LINC02747: variants seen among roughly 807,000 people sequenced by gnomAD.
LINC02747 encodes CCND1-upstream intergenic DNA repair 2.
intron 1 of LINC02747, among the ~76,000 whole-genome samples, chr11:69,479,111 C>G (rs549739812): frequency 6.6e-6 from 1 of 151,574 alleles, no homozygotes; most frequent in Admixed American, 6.6e-5. Context: ...AAAAAATTGA[C>G]GGGCATAATG....
intron 1 of LINC02747, among the ~76,000 whole-genome samples, chr11:69,480,651 T>C (rs966608811): frequency 2.6e-5 from 4 of 152,180 alleles, no homozygotes; most frequent in African/African-American, 7.2e-5. Context: ...GACATCATCA[T>C]CCGGACTCAA....
intron 1 of LINC02747, among the ~76,000 whole-genome samples, chr11:69,478,573 T>A (rs1857017105): frequency 6.6e-6 from 1 of 152,170 alleles, no homozygotes; most frequent in Admixed American, 6.5e-5. Flanking sequence ...CTGGGCGAGG[T>A]GGCTCATGCC....
At chr11:69,480,217 G>A (rs2134962919) in intron 1 of LINC02747, among the ~76,000 whole-genome samples, 1 of 152,300 alleles carries the variant, frequency 6.6e-6, no homozygotes, top group East Asian at 1.9e-4. Context: ...TGGCGAGCCT[G>A]GGCCACACAG....
At chr11:69,475,701 G>A (rs113329199) in exon 2 of LINC02747, 1,670 of 152,312 alleles carry the variant, frequency 0.011, 12 homozygotes, top group Middle Eastern at 0.031. Flanking sequence ...GCAGGTGGCC[G>A]TCTTCTTGTG....
chr11:69,481,489 T>A (rs1045567175), exon 1 of LINC02747: 2 of 152,376 alleles, frequency 1.3e-5, no homozygotes, highest in African/African-American at 4.8e-5. Context: ...TGCAGCTCAC[T>A]GTGGCAAAAG....
chr11:69,479,317 A>G (rs142593048), intron 1 of LINC02747, among the ~76,000 whole-genome samples: 1,655 of 151,566 alleles, frequency 0.011, 32 homozygotes, highest in African/African-American at 0.039. Flanking sequence ...AGAAAAAACA[A>G]GTGGGTGGTA....
At chr11:69,476,625 G>A (rs1448046997) in exon 2 of LINC02747, 9 of 152,222 alleles carry the variant, frequency 5.9e-5, no homozygotes, top group Non-Finnish European at 8.8e-5. Context: ...CATCTCTGAC[G>A]TGGACCCCGC....
chr11:69,478,813 C>T (rs1031184082), intron 1 of LINC02747, among the ~76,000 whole-genome samples: 1 of 152,088 alleles, frequency 6.6e-6, no homozygotes, highest in Non-Finnish European at 1.5e-5. Flanking sequence ...CTGCAGCGAG[C>T]CGAGATTGTG....
At chr11:69,480,807 C>T (rs1005129558) in intron 1 of LINC02747, among the ~76,000 whole-genome samples, 14 of 152,164 alleles carry the variant, frequency 9.2e-5, no homozygotes, top group African/African-American at 2.4e-5. Flanking sequence ...GGAAGAGTTT[C>T]GGAGAGGTCA....
exon 2 of LINC02747, chr11:69,475,886 C>G (rs115908406): frequency 6.6e-6 from 1 of 152,180 alleles, no homozygotes; most frequent in African/African-American, 2.4e-5. Context: ...TTAGGGAGGA[C>G]GCACACATTT....
intron 1 of LINC02747, chr11:69,481,370 C>T (rs1857046836): frequency 6.6e-6 from 1 of 152,414 alleles, no homozygotes; most frequent in African/African-American, 2.4e-5. Context: ...CTGAAAGGTC[C>T]AGAGTCCAGC....
At chr11:69,478,395 C>T (rs1857015616) in intron 1 of LINC02747, among the ~76,000 whole-genome samples, 1 of 152,108 alleles carries the variant, frequency 6.6e-6, no homozygotes, top group Admixed American at 6.5e-5. Flanking sequence ...CTGTGCTGAG[C>T]CCAAGCCTCT....
chr11:69,476,489 C>CCGAT (rs930971925), exon 2 of LINC02747: 2 of 152,180 alleles, frequency 1.3e-5, no homozygotes, highest in Non-Finnish European at 2.9e-5. Context: ...TCCCGAGAAC[C>CCGAT]CGATCACAGG....
chr11:69,479,279 AG>A (rs1857026603), intron 1 of LINC02747, among the ~76,000 whole-genome samples: 33 of 139,568 alleles, frequency 2.4e-4, no homozygotes, highest in African/African-American at 6.5e-4. Flanking sequence ...AAAAAAAAAG[AG>A]AGAGAGAGAG....
intron 1 of LINC02747, among the ~76,000 whole-genome samples, chr11:69,478,274 G>A (rs1857014618): frequency 1.3e-5 from 2 of 152,144 alleles, no homozygotes; most frequent in African/African-American, 4.8e-5. Flanking sequence ...ACAACGGAGT[G>A]GAGGCTGGAA....
intron 1 of LINC02747, among the ~76,000 whole-genome samples, chr11:69,478,821 G>A (rs1857019651): frequency 6.6e-6 from 1 of 152,114 alleles, no homozygotes; most frequent in Non-Finnish European, 1.5e-5. Context: ...AGCCGAGATT[G>A]TGCCACTGCA....
chr11:69,478,992 C>A (rs1160471220), intron 1 of LINC02747, among the ~76,000 whole-genome samples: 1 of 149,844 alleles, frequency 6.7e-6, no homozygotes, highest in African/African-American at 2.5e-5. Flanking sequence ...CGGTGGCTCA[C>A]GCCTGTAATC....
At chr11:69,479,083 T>A (rs1358065687) in intron 1 of LINC02747, among the ~76,000 whole-genome samples, 1 of 151,558 alleles carries the variant, frequency 6.6e-6, no homozygotes, top group Non-Finnish European at 1.5e-5. Context: ...GATGAAACCC[T>A]GTCTCTACTA....
At chr11:69,478,988 C>T (rs1163867868) in intron 1 of LINC02747, among the ~76,000 whole-genome samples, 1 of 152,114 alleles carries the variant, frequency 6.6e-6, no homozygotes, top group African/African-American at 2.4e-5. Flanking sequence ...GGTGCGGTGG[C>T]TCACGCCTGT....
Sources: gnomAD v4.1 joint callset for allele counts (sites outside exome capture counted in the v4.1 genomes callset) on GRCh38, gnomAD v4.1.1 for gene constraint, MANE v1.5 for transcripts, NCBI Gene and HGNC (gene_info 2026-07-23, HGNC 2026-07-21) for gene names.